The following HTRA1 variants were observed in gnomAD, a reference collection of about 807,000 sequenced individuals.
HTRA1 encodes serine protease HTRA1.
HTRA1 carries 26 observed loss-of-function variants against 49.7 expected under a neutral mutation model. That is an observed-to-expected ratio of 0.52 (90% CI 0.38 to 0.73). The LOEUF (loss-of-function observed/expected upper bound fraction) is 0.73, where lower values mean the gene tolerates loss of function less well. Ranked by LOEUF, HTRA1 falls within the 30% of genes least tolerant of loss-of-function variation. HTRA1 has a pLI of 0.00. For synonymous variants in HTRA1, 291 were observed against 286.9 expected (o/e 1.01, Z -0.14); for missense variants, 561 against 667.2 (o/e 0.84, Z 1.75).
intron 1 of HTRA1, among the ~76,000 whole-genome samples, chr10:122,466,695 C>G (rs2097483941): frequency 6.6e-6 from 1 of 152,154 alleles, no homozygotes; most frequent in Admixed American, 6.5e-5. Flanking sequence ...GAGTCATTTT[C>G]ACTATTGGCA....
intron 3 of HTRA1, among the ~76,000 whole-genome samples, chr10:122,498,569 A>C (rs1366325736): frequency 6.6e-6 from 1 of 152,188 alleles, no homozygotes; most frequent in East Asian, 1.9e-4. Context: ...CCTGAACGGA[A>C]GGGTTCTGAA....
rs370433045 is a variant in HTRA1, at chr10:122,507,407, G to C, written c.1005+5G>C. Reference sequence around the variant, plus strand: ...GGAGGCCCGTTAGTAAACCTGGTAAGGTCTTTTAAACCTATGTTAGGTCAT... The same window carrying C: ...GGAGGCCCGTTAGTAAACCTGGTAACGTCTTTTAAACCTATGTTAGGTCAT... On this transcript the variant is annotated splice_donor_5th_base_variant and intron_variant, in intron 5 of 8. Transcript: ENST00000368984. The C allele has an allele frequency of 1.2e-6, 2 of 1,602,994 alleles. No homozygotes were observed. The highest frequency in any genetic ancestry group is 2.2e-5 in the South Asian group (2 of 90,860).
intron 1 of HTRA1, among the ~76,000 whole-genome samples, chr10:122,472,186 C>CT (rs550618072): frequency 3.1e-4 from 47 of 150,594 alleles, no homozygotes; most frequent in African/African-American, 8.3e-4. Context: ...CATAAGGACT[C>CT]TTTTTTTTTG....
chr10:122,511,832 T>C (rs892494070), intron 7 of HTRA1, 138 bp from the exon 8 acceptor site: 1 of 675,890 alleles, frequency 1.5e-6, no homozygotes, highest in Admixed American at 2.3e-5. Flanking sequence ...CAATTTTAAT[T>C]TTAAAATAGG....
chr10:122,471,069 A>T lies in HTRA1; in HGVS notation c.472+8945A>T, dbSNP rs1047804642. 2.6e-5 allele frequency among the ~76,000 whole-genome samples: 4 copies of T among 152,160 alleles called. No homozygotes were observed. In the East Asian group the frequency reaches 5.8e-4, roughly 22 times the overall value. ...CGTCTCTGCCTGCACCGTGGAGAGC[A>T]CACGCTCCTCCTGGGGTGGCCTGCA... On this transcript the variant is annotated intron_variant, in intron 1 of 8. Coordinates refer to ENST00000368984, the MANE Select transcript of HTRA1 (RefSeq NM_002775.5).
At chr10:122,481,359 C>T (rs1351476318) in intron 1 of HTRA1, among the ~76,000 whole-genome samples, 1 of 152,170 alleles carries the variant, frequency 6.6e-6, no homozygotes, top group East Asian at 1.9e-4. Flanking sequence ...TTAGCCTCTT[C>T]CCCCAAATGC....
At chr10:122,480,069 C>T (rs1378831493) in intron 1 of HTRA1, among the ~76,000 whole-genome samples, 2 of 152,150 alleles carry the variant, frequency 1.3e-5, no homozygotes, top group Non-Finnish European at 2.9e-5. Context: ...TGTGCAATCT[C>T]ACCTAGGACT....
Position 122,461,573 on chromosome 10 carries a change from A to G in HTRA1, c.-80A>G. 1 of 824,668 alleles carries G rather than the reference A, an allele frequency of 1.2e-6. No individual in the cohort carries two copies. Among genetic ancestry groups the G allele is most frequent in the Non-Finnish European group, 1.7e-6 (1 of 604,180 alleles). The allele number at this position is 824,668 out of a possible 1,614,324, so 51.1% of individuals were successfully genotyped here. A position where few individuals can be genotyped will look rare whatever the true frequency, so the allele number is the denominator to read the frequency against. ...CGCGCACTCGCACCCGCTGCCCCCG[A>G]GGCCCTCCTGCACTCTCCCCGGCGC... is the stretch of plus-strand genomic sequence containing the variant. On this transcript the variant is annotated 5_prime_UTR_variant, in exon 1 of 9. Transcript: ENST00000368984.
intron 1 of HTRA1, among the ~76,000 whole-genome samples, chr10:122,483,523 T>G (rs1259782396): frequency 6.6e-6 from 1 of 152,256 alleles, no homozygotes; most frequent in African/African-American, 2.4e-5. Flanking sequence ...TATAAGTCAT[T>G]CAGTTTTTTA....
chr10:122,498,823 G>A (rs2097499758), intron 3 of HTRA1, among the ~76,000 whole-genome samples: 1 of 152,198 alleles, frequency 6.6e-6, no homozygotes, highest in African/African-American at 2.4e-5. Context: ...AGCCCTATGA[G>A]CTAATGGAGC....
In HTRA1 at chr10:122,507,422, T is replaced by TGTTA. The variant is rs759797532; in HGVS notation, c.1005+22_1005+25dup. 4.4e-6 allele frequency: 7 copies of TGTTA among 1,584,190 alleles called. No individual in the cohort carries two copies. In the South Asian group the frequency reaches 5.5e-5, roughly 13 times the overall value. On this transcript the variant is annotated intron_variant, in intron 5 of 8. Transcript: ENST00000368984. ...AACCTGGTAAGGTCTTTTAAACCTA[T>TGTTA]GTTAGGTCATTTGTTTTTATCTATG... is the stretch of plus-strand genomic sequence containing the variant.
intron 3 of HTRA1, among the ~76,000 whole-genome samples, chr10:122,502,884 TC>T (rs1242353232): frequency 2.6e-5 from 4 of 152,192 alleles, no homozygotes; most frequent in Non-Finnish European, 5.9e-5. Flanking sequence ...CATTTTCTTT[TC>T]CCCCCAGCAG....
At chr10:122,485,387 G>T (rs766760023) in intron 1 of HTRA1, among the ~76,000 whole-genome samples, 1 of 152,162 alleles carries the variant, frequency 6.6e-6, no homozygotes, top group Non-Finnish European at 1.5e-5. Context: ...TTCCTCATCT[G>T]CAGAATTTGG....
rs1427502522 is a variant in HTRA1, at chr10:122,461,566, GC to G, written c.-82del. 4 of 750,710 alleles carry G rather than the reference GC, an allele frequency of 5.3e-6. No individual in the cohort carries two copies. The highest frequency in any genetic ancestry group is 3.9e-5 in the South Asian group (2 of 51,034). The allele number at this position is 750,710 out of a possible 1,614,324, so 46.5% of individuals were successfully genotyped here. On this transcript the variant is annotated 5_prime_UTR_variant, in exon 1 of 9. Coordinates refer to ENST00000368984, the MANE Select transcript of HTRA1 (RefSeq NM_002775.5). ...GCGGCCGCGCGCACTCGCACCCGCTGCCCCCGAGGCCCTCCTGCACTCTCCC... is the reference window on the plus strand; with the variant it reads ...GCGGCCGCGCGCACTCGCACCCGCTGCCCCGAGGCCCTCCTGCACTCTCCC...
At chr10:122,499,436 A>G (rs559199704) in intron 3 of HTRA1, among the ~76,000 whole-genome samples, 2 of 152,348 alleles carry the variant, frequency 1.3e-5, no homozygotes, top group South Asian at 4.1e-4. Flanking sequence ...TGCTTTATGA[A>G]CAAGGAGCCT....
rs773396186 is a variant in HTRA1 at position 122,489,448 on chromosome 10, C to T, written c.599C>T (p.Pro200Leu). The T allele has an allele frequency of 2.2e-5, 36 of 1,614,032 alleles. No individual in the cohort carries two copies. Among genetic ancestry groups the T allele is most frequent in the Middle Eastern group, 3.3e-4 (2 of 6,084 alleles). Residue 200 changes from proline to leucine, a missense_variant, in exon 3 of 9, where the codon CCG becomes CTG. Coordinates refer to ENST00000368984, the MANE Select transcript of HTRA1 (RefSeq NM_002775.5). ...CTTCCGTTTTCTAAACGAGAGGTGC[C>T]GGTGGCTAGTGGGTCTGGGTTTATT... ...RKLPFSKREV[P>L]VASGSGFIVS... is the part of the protein sequence containing the mutation.
chr10:122,511,773 A>G (rs2097505750), intron 7 of HTRA1, among the ~76,000 whole-genome samples, 197 bp from the exon 8 acceptor site: 1 of 151,866 alleles, frequency 6.6e-6, no homozygotes. Context: ...TAAATAATAA[A>G]GCACTTTCCT....
At chr10:122,509,825 G>A (rs928668119) in intron 6 of HTRA1, among the ~76,000 whole-genome samples, 7 of 152,114 alleles carry the variant, frequency 4.6e-5, no homozygotes, top group Non-Finnish European at 1.0e-4. Flanking sequence ...ATATATGGGG[G>A]GTAGAGCAAG....
intron 8 of HTRA1, among the ~76,000 whole-genome samples, 193 bp downstream of exon 8, chr10:122,512,258 A>AT (rs2097506002): frequency 1.3e-5 from 2 of 152,014 alleles, no homozygotes; most frequent in Admixed American, 1.3e-4. Context: ...CATCCATAGG[A>AT]GGGTGCCTTC....
Sources: allele counts gnomAD v4.1 joint callset (sites outside exome capture counted in the v4.1 genomes callset), GRCh38; gene constraint gnomAD v4.1.1; transcripts MANE v1.5; gene names NCBI Gene and HGNC (gene_info 2026-07-23, HGNC 2026-07-21).